Variants in RNLS observed in about 807,000 individuals in gnomAD.
The protein encoded by RNLS is renalase, FAD dependent amine oxidase, also known as renalase.
In RNLS, 39 loss-of-function variants were observed where a neutral mutation model predicts 39.8. That is an observed-to-expected ratio of 0.98 (90% confidence interval 0.76 to 1.28). RNLS has a LOEUF of 1.28. RNLS is among the 50% of genes most tolerant of loss of function. RNLS has a pLI of 0.00. For missense variants in RNLS, 410 were observed against 413.3 expected (o/e 0.99, Z 0.07); for synonymous variants, 147 against 150.7 (o/e 0.98, Z 0.18).
At chr10:88,195,646 C>A in the RNLS span, among the ~76,000 whole-genome samples, 1 of 152,260 alleles carries the variant, frequency 6.6e-6, no homozygotes, top group East Asian at 1.9e-4. Flanking sequence ...GCCACACAGA[C>A]CCCAAGAAAG....
At position 88,512,712 on chromosome 10, in the gene RNLS, C is replaced by T. The variant is rs2576165; in HGVS notation, c.526+60191G>A. Among the ~76,000 whole-genome samples, 607 of 152,244 alleles carry T rather than the reference C, an allele frequency of 4.0e-3. 3 individuals are homozygous for T. The highest frequency in any genetic ancestry group is 6.9e-3 in the Non-Finnish European group (467 of 68,004). On this transcript the variant is annotated intron_variant, in intron 4 of 6. Transcript: ENST00000331772. The stretch of plus-strand genomic sequence containing the variant: ...CCATTACTCTCCACAATGCATCTTA[C>T]ACTCCAACTACTCTACACTGCTCAC...
At chr10:88,499,237 CCTTA>C (rs1845335995) in intron 4 of RNLS, among the ~76,000 whole-genome samples, 1 of 152,146 alleles carries the variant, frequency 6.6e-6, no homozygotes, top group Non-Finnish European at 1.5e-5. Context: ...TCTCTACCTT[CCTTA>C]CTTAGGTAGG....
chr10:88,250,810 A>G, the RNLS span, among the ~76,000 whole-genome samples: 3 of 152,236 alleles, frequency 2.0e-5, no homozygotes, highest in African/African-American at 7.2e-5. Flanking sequence ...TCAAACTTCA[A>G]TAGCTTGAGA....
At chr10:88,215,668 C>T in the RNLS span, among the ~76,000 whole-genome samples, 1 of 149,044 alleles carries the variant, frequency 6.7e-6, no homozygotes, top group Non-Finnish European at 1.5e-5. Context: ...TCTGTTAGCC[C>T]TTACATAGGG....
chr10:88,264,597 C>T, the RNLS span, among the ~76,000 whole-genome samples: 2 of 152,052 alleles, frequency 1.3e-5, no homozygotes, highest in African/African-American at 2.4e-5. Context: ...TTCAGTTGTG[C>T]ATTTCTTCAT....
intron 6 of RNLS, among the ~76,000 whole-genome samples, chr10:88,310,509 A>G (rs1162222207): frequency 6.6e-6 from 1 of 152,116 alleles, no homozygotes; most frequent in East Asian, 1.9e-4. Flanking sequence ...CTTCTCTTTA[A>G]ACAACTGAAA....
At chr10:88,494,798 T>C (rs1205324819) in intron 4 of RNLS, among the ~76,000 whole-genome samples, 1 of 152,174 alleles carries the variant, frequency 6.6e-6, no homozygotes, top group Non-Finnish European at 1.5e-5. Context: ...GAACCCTTTC[T>C]CTAGACCAGA....
chr10:88,459,336 C>T (rs1842813802), intron 4 of RNLS, among the ~76,000 whole-genome samples: 1 of 151,982 alleles, frequency 6.6e-6, no homozygotes, highest in African/African-American at 2.4e-5. Context: ...GTGATTAGGT[C>T]CATTAGTGGA....
At chr10:88,336,815 C>A (rs1273993945) in intron 5 of RNLS, among the ~76,000 whole-genome samples, 2 of 152,078 alleles carry the variant, frequency 1.3e-5, no homozygotes, top group Admixed American at 6.5e-5. Flanking sequence ...CTGGGTTGGG[C>A]AACTAGGGAT....
chr10:88,414,647 G>C (rs1214794362), intron 4 of RNLS, among the ~76,000 whole-genome samples: 1 of 152,154 alleles, frequency 6.6e-6, no homozygotes, highest in African/African-American at 2.4e-5. Flanking sequence ...CAACCTTTTG[G>C]AGCTTTTTGA....
the RNLS span, among the ~76,000 whole-genome samples, chr10:88,265,718 C>T: frequency 2.0e-5 from 3 of 152,126 alleles, no homozygotes; most frequent in African/African-American, 2.4e-5. Flanking sequence ...TCTAACTTTG[C>T]TGAATGTATT....
At chr10:88,242,891 G>T in the RNLS span, among the ~76,000 whole-genome samples, 1 of 152,148 alleles carries the variant, frequency 6.6e-6, no homozygotes, top group Admixed American at 6.5e-5. Flanking sequence ...AGGTTGCGGT[G>T]AGCCAAGATC....
At chr10:88,353,269 C>A (rs1250151067) in intron 5 of RNLS, among the ~76,000 whole-genome samples, 1 of 152,160 alleles carries the variant, frequency 6.6e-6, no homozygotes, top group African/African-American at 2.4e-5. Flanking sequence ...AATGTGTTTG[C>A]TCTTGCTTCT....
At chr10:88,528,063 T>A (rs544861413) in intron 4 of RNLS, among the ~76,000 whole-genome samples, 1 of 150,922 alleles carries the variant, frequency 6.6e-6, no homozygotes, top group South Asian at 2.1e-4. Context: ...TGAGACTGAG[T>A]GAACAAAAAA....
chr10:88,327,850 G>A lies in RNLS; in HGVS notation c.701-13209C>T, dbSNP rs373894042. On this transcript the variant is annotated intron_variant, in intron 5 of 6. Transcript: ENST00000331772. ...ACTCCTGAGCTCAGGCAATCTGCCC[G>A]CCTCGGCCTCCCAAAGTGCTAGGAT... 7.2e-5 allele frequency among the ~76,000 whole-genome samples: 11 copies of A among 151,850 alleles called. No homozygotes were observed. The East Asian group carries it at 1.2e-3, about 16-fold the overall frequency.
chr10:88,362,549 G>T lies in RNLS; in HGVS notation c.700+3C>A. 1 of 1,613,034 alleles carries T rather than the reference G, an allele frequency of 6.2e-7. No homozygotes were observed. The highest frequency in any genetic ancestry group is 1.1e-5 in the South Asian group (1 of 90,916). ...ATTTAAGGGAAATAATAGGGGTACT[G>T]ACCTATATTGCGCTTCTTATTATCA... On this transcript the variant is annotated splice_donor_region_variant and intron_variant, in intron 5 of 6. Coordinates refer to ENST00000331772, the MANE Select transcript of RNLS (RefSeq NM_001031709.3).
At chr10:88,313,533 G>A (rs7899861) in intron 6 of RNLS, among the ~76,000 whole-genome samples, 44,480 of 152,048 alleles carry the variant, frequency 0.29, 8,487 homozygotes, top group African/African-American at 0.53. Flanking sequence ...GAGAAGATAT[G>A]AGTAAAACAT....
chr10:88,552,041 T>C (rs139386297), intron 4 of RNLS, among the ~76,000 whole-genome samples: 6 of 152,334 alleles, frequency 3.9e-5, no homozygotes, highest in East Asian at 3.9e-4. Flanking sequence ...GTTTCTTTCA[T>C]TGACCACTTA....
At chr10:88,186,859 A>G in the RNLS span, among the ~76,000 whole-genome samples, 1 of 152,146 alleles carries the variant, frequency 6.6e-6, no homozygotes, top group Non-Finnish European at 1.5e-5. Flanking sequence ...TATGGAGGCT[A>G]TTAAGAGCTA....
Sources: gnomAD v4.1 joint callset for allele counts (sites outside exome capture counted in the v4.1 genomes callset) on GRCh38, gnomAD v4.1.1 for gene constraint, MANE v1.5 for transcripts, NCBI Gene and HGNC (gene_info 2026-07-23, HGNC 2026-07-21) for gene names.